HMGB1: variants seen among roughly 807,000 people sequenced by gnomAD.
HMGB1 encodes high mobility group box 1.
For synonymous variants in HMGB1, 81 were observed against 84.0 expected (o/e 0.96, Z 0.19); for missense variants, 79 against 253.5 (o/e 0.31, Z 4.67).
At chr13:30,603,341 T>C (rs1444772113) in intron 1 of HMGB1, among the ~76,000 whole-genome samples, 1 of 152,186 alleles carries the variant, frequency 6.6e-6, no homozygotes, top group Non-Finnish European at 1.5e-5. Flanking sequence ...CTCTTGGAAG[T>C]ATCAAGGAGG....
chr13:30,515,659 A>G (rs1888086489), intron 1 of HMGB1, among the ~76,000 whole-genome samples: 2 of 150,736 alleles, frequency 1.3e-5, no homozygotes, highest in Non-Finnish European at 2.9e-5. Context: ...AATATCTGTC[A>G]TGCTCATTTT....
chr13:30,535,262 A>T (rs1566017702), intron 1 of HMGB1, among the ~76,000 whole-genome samples: 1 of 152,222 alleles, frequency 6.6e-6, no homozygotes, highest in Non-Finnish European at 1.5e-5. Flanking sequence ...TTTGAAAAGG[A>T]GGGAACTTCA....
exon 1 of HMGB1, chr13:30,617,298 C>T (rs1392396675): frequency 1.3e-5 from 2 of 152,340 alleles, no homozygotes; most frequent in African/African-American, 2.4e-5. Context: ...AAGATGGGCT[C>T]TAGGGAGACA....
At chr13:30,598,522 A>C (rs1022857541) in intron 1 of HMGB1, among the ~76,000 whole-genome samples, 1 of 152,268 alleles carries the variant, frequency 6.6e-6, no homozygotes, top group African/African-American at 2.4e-5. Flanking sequence ...TCACAAAGTG[A>C]AATAGAAAAA....
chr13:30,470,838 G>A (rs935563598), upstream of HMGB1, among the ~76,000 whole-genome samples: 17 of 151,806 alleles, frequency 1.1e-4, no homozygotes, highest in African/African-American at 4.1e-4. Context: ...TAGTAGAGAC[G>A]GGGTTTCACC....
chr13:30,608,137 A>G (rs1463936921), intron 1 of HMGB1, among the ~76,000 whole-genome samples: 1 of 152,108 alleles, frequency 6.6e-6, no homozygotes, highest in Non-Finnish European at 1.5e-5. Flanking sequence ...CATTTTGTGA[A>G]GACACTCAAG....
intron 1 of HMGB1, among the ~76,000 whole-genome samples, chr13:30,606,468 AAAC>A (rs1482890185): frequency 7.5e-5 from 3 of 39,782 alleles, no homozygotes; most frequent in African/African-American, 1.1e-3. Flanking sequence ...TAACCAAACC[AAAC>A]ATTTTATTGA....
At chr13:30,526,434 C>T (rs1888369430) in intron 1 of HMGB1, among the ~76,000 whole-genome samples, 1 of 152,152 alleles carries the variant, frequency 6.6e-6, no homozygotes, top group South Asian at 2.1e-4. Flanking sequence ...TTTTTATTCC[C>T]ATTTTGCAGA....
chr13:30,538,485 TCTTTCTTTCTTTCTTTCTTTCTTTC>T (rs1868577161), intron 1 of HMGB1, among the ~76,000 whole-genome samples: 1 of 32,654 alleles, frequency 3.1e-5, no homozygotes, highest in Non-Finnish European at 7.4e-5. Flanking sequence ...TTTCTTTCTT[TCTTTCTTTCTTTCTTTCTTTCTTTC>T]CTTTCTTTCT....
chr13:30,570,690 C>T lies in HMGB1; in HGVS notation c.-15+45981G>A, dbSNP rs150471947. On this transcript the variant is annotated intron_variant, in intron 1 of 4. Coordinates refer to the HMGB1 transcript ENST00000405805. The stretch of plus-strand genomic sequence containing the variant: ...CCCTTAGGAACAATGAGAATAAAAG[C>T]GTAATGTTGGTTACTTCTTCATATC... 5.1e-3 allele frequency among the ~76,000 whole-genome samples: 778 copies of T among 152,238 alleles called. 11 individuals are homozygous for T. Among genetic ancestry groups the T allele is most frequent in the African/African-American group, 0.018 (729 of 41,534 alleles).
intron 1 of HMGB1, among the ~76,000 whole-genome samples, chr13:30,518,039 T>C (rs1888138833): frequency 6.6e-6 from 1 of 152,280 alleles, no homozygotes; most frequent in East Asian, 1.9e-4. Flanking sequence ...GCCTTCTAAC[T>C]CTTATATCTG....
At chr13:30,546,536 T>G (rs952209182) in intron 1 of HMGB1, among the ~76,000 whole-genome samples, 12 of 152,192 alleles carry the variant, frequency 7.9e-5, no homozygotes, top group African/African-American at 2.9e-4. Context: ...CAAGCTATAG[T>G]TCAGTGGAAC....
At chr13:30,483,046 G>A (rs1037817026) in intron 1 of HMGB1, among the ~76,000 whole-genome samples, 2 of 151,438 alleles carry the variant, frequency 1.3e-5, no homozygotes, top group African/African-American at 2.4e-5. Context: ...CTCCTGCCTC[G>A]GCCTCCTAAA....
At chr13:30,556,059 T>G (rs1158369185) in intron 1 of HMGB1, among the ~76,000 whole-genome samples, 1 of 152,192 alleles carries the variant, frequency 6.6e-6, no homozygotes, top group African/African-American at 2.4e-5. Flanking sequence ...GCTGCCACAA[T>G]TGTCAATAAG....
At chr13:30,481,604 T>G (rs1001346520) in intron 1 of HMGB1, among the ~76,000 whole-genome samples, 1 of 152,224 alleles carries the variant, frequency 6.6e-6, no homozygotes, top group Admixed American at 6.5e-5. Flanking sequence ...GATTCAAGGA[T>G]GAAGACTGGC....
intron 1 of HMGB1, among the ~76,000 whole-genome samples, chr13:30,564,262 G>A (rs1870087699): frequency 1.5e-5 from 2 of 137,380 alleles, no homozygotes; most frequent in African/African-American, 2.8e-5. Flanking sequence ...GCAAAAACCC[G>A]GCTCTACTAA....
intron 1 of HMGB1, among the ~76,000 whole-genome samples, chr13:30,485,630 A>C (rs757957670): frequency 2.0e-5 from 3 of 152,246 alleles, no homozygotes; most frequent in African/African-American, 4.8e-5. Context: ...AAAAGACAGC[A>C]GATCTGCAAT....
At chr13:30,548,568 A>G (rs943576485) in intron 1 of HMGB1, among the ~76,000 whole-genome samples, 6 of 152,206 alleles carry the variant, frequency 3.9e-5, no homozygotes, top group African/African-American at 1.4e-4. Context: ...GCCTCTTTCC[A>G]AAAGATAAAT....
At chr13:30,507,420 C>G (rs951375705) in intron 1 of HMGB1, among the ~76,000 whole-genome samples, 2 of 152,198 alleles carry the variant, frequency 1.3e-5, no homozygotes, top group East Asian at 3.8e-4. Context: ...CCATCCACCC[C>G]TCTCCAGCAA....
Sources: allele counts gnomAD v4.1 joint callset (sites outside exome capture counted in the v4.1 genomes callset), GRCh38; gene constraint gnomAD v4.1.1; transcripts MANE v1.5; gene names NCBI Gene and HGNC (gene_info 2026-07-23, HGNC 2026-07-21).